Variants in ASPM observed in about 807,000 individuals in gnomAD.
ASPM encodes the protein abnormal spindle-like microcephaly-associated protein.
ASPM carries 256 observed loss-of-function variants against 366.4 expected under a neutral mutation model. The ratio of observed to expected loss-of-function variants is 0.70; its 90% CI spans 0.63 to 0.77. The LOEUF (loss-of-function observed/expected upper bound fraction) is 0.77. ASPM is among the 30% of genes least tolerant of loss of function. ASPM has a pLI of 0.00. For missense variants in ASPM, 4,146 were observed against 4,090.4 expected (o/e 1.01, Z -0.37); for synonymous variants, 1,414 against 1,342.9 (o/e 1.05, Z -1.16).
At chr1:197,137,936 C>A (rs1227965303) in intron 4 of ASPM, among the ~76,000 whole-genome samples, 1 of 152,114 alleles carries the variant, frequency 6.6e-6, no homozygotes, top group Non-Finnish European at 1.5e-5. Flanking sequence ...GACATAAAAG[C>A]ATGAGAGTTC....
intron 25 of ASPM, among the ~76,000 whole-genome samples, chr1:197,089,475 C>T (rs1390810269): frequency 6.6e-6 from 1 of 151,964 alleles, no homozygotes; most frequent in Non-Finnish European, 1.5e-5. Flanking sequence ...GATAACATCA[C>T]CACCTCTAAA....
chr1:197,124,332 C>CTT lies in ASPM; in HGVS notation c.3169-2_3169-1insAA, dbSNP rs761193121. 1.8e-5 allele frequency: 27 copies of CTT among 1,540,796 alleles called. No individual in the cohort carries two copies. Among genetic ancestry groups the CTT allele is most frequent in the African/African-American group, 4.1e-5 (3 of 73,030 alleles). Reference sequence around the variant, plus strand: ...GATCTAAGTTAAGGGAAATATCCACCTAAAACAAACACAAAAAAAGATAAA... The same window carrying CTT: ...GATCTAAGTTAAGGGAAATATCCACCTTTAAAACAAACACAAAAAAAGATAAA... On this transcript the variant is annotated splice_acceptor_variant, in intron 12 of 27. Transcript: ENST00000367409. LOFTEE classifies it high-confidence loss of function.
chr1:197,144,043 T>G lies in ASPM; in HGVS notation c.355A>C (p.Arg119=), dbSNP rs925872998. The G allele has an allele frequency of 1.2e-5, 19 of 1,610,892 alleles. No homozygotes were observed. Among genetic ancestry groups the G allele is most frequent in the Non-Finnish European group, 1.5e-5 (18 of 1,177,312 alleles). ...TTTACAAGAAATGTCATAATCTCTC[T>G]TACTCGGCCTTCTTTGAGTGGTGTC... ...NWTPLKEGRV[R]EIMTFLVNDV... The change falls in exon 2 of 28, where the codon AGA becomes CGA. Residue 119 remains arginine (R), a synonymous_variant. Transcript: ENST00000367409.
chr1:197,128,706 T>A, intron 9 of ASPM, 41 bp from the exon 10 acceptor site: 1 of 1,472,230 alleles, frequency 6.8e-7, no homozygotes, highest in African/African-American at 1.4e-5. Context: ...TCCAATATTA[T>A]AATTTTGCTT....
Position 197,125,232 on chromosome 1 carries a change from C to A in ASPM, c.2937-41G>T, listed in dbSNP as rs200899109. 38 of 1,607,878 alleles carry A rather than the reference C, an allele frequency of 2.4e-5. No homozygotes were observed. In the South Asian group the frequency reaches 3.8e-4, roughly 16 times the overall value. The stretch of plus-strand genomic sequence containing the variant: ...TGTTCAGATGAAATTATCATAAAAA[C>A]GTATATGAAAAAACCCTTCACTGAA... On this transcript the variant is annotated intron_variant, in intron 10 of 27. Transcript: ENST00000367409.
At chr1:197,129,345 AAGTT>A (rs1278134434) in intron 8 of ASPM, 28 bp from the exon 9 acceptor site, 2 of 1,607,292 alleles carry the variant, frequency 1.2e-6, no homozygotes, top group Non-Finnish European at 1.7e-6. Flanking sequence ...AAAGCACAGC[AAGTT>A]AATCTATGAA....
rs747991162 is a variant in ASPM at position 197,142,925 on chromosome 1, C to G, written c.1327G>C (p.Gly443Arg). 1.2e-6 allele frequency: 2 copies of G among 1,613,864 alleles called. No individual in the cohort carries two copies. The highest frequency in any genetic ancestry group is 1.7e-5 in the Admixed American group (1 of 60,006). The change falls in exon 3 of 28, where the codon GGT (glycine) becomes CGT (arginine). Residue 443 changes from glycine (G) to arginine (R), a missense_variant. Physicochemically the swap from Gly to Arg is moderately radical, Grantham distance 125. This residue lies in a region of ASPM where 3,624 missense variants were observed against 3,591.7 expected (regional missense o/e 1.01). Transcript: ENST00000367409. Reference protein sequence around the residue: ...EVSPRIPECQGSKSPKAIFEE... With the variant: ...EVSPRIPECQRSKSPKAIFEE... ...AAAATAGCTTTGGGAGATTTTGAAC[C>G]CTGACATTCAGGAATACGTGGCGAA...
Position 197,102,624 on chromosome 1 carries a change from AAAGT to A in ASPM, c.6623_6626del (p.Tyr2208LeufsTer4), listed in dbSNP as rs1571599902. 1 of 1,612,540 alleles carries A rather than the reference AAAGT, an allele frequency of 6.2e-7. No individual in the cohort carries two copies. The highest frequency in any genetic ancestry group is 1.3e-5 in the African/African-American group (1 of 74,914). The stretch of plus-strand genomic sequence containing the variant: ...TTTTTGTTATTTTCTTTAACTTATT[AAAGT>A]ATGTTTGCTGTCTGTATCTTCTGTA... On this transcript the variant is annotated frameshift_variant, in exon 18 of 28. Transcript: ENST00000367409. LOFTEE classifies it high-confidence loss of function.
chr1:197,146,578 T>C lies in ASPM; in HGVS notation c.-141A>G, dbSNP rs1658796343. ...GGGAGTGAATTCGGCCCTTTTTCTTTTCCACTAACCTACTCCCTAGAAAAC... is the reference window on the plus strand; with the variant it reads ...GGGAGTGAATTCGGCCCTTTTTCTTCTCCACTAACCTACTCCCTAGAAAAC... On this transcript the variant is annotated 5_prime_UTR_variant, in exon 1 of 28. Coordinates refer to ENST00000367409, the MANE Select transcript of ASPM (RefSeq NM_018136.5). 1 of 852,508 alleles carries C rather than the reference T, an allele frequency of 1.2e-6. No individual in the cohort carries two copies. Among genetic ancestry groups the C allele is most frequent in the Non-Finnish European group, 1.9e-6 (1 of 536,468 alleles). 52.8% of individuals were successfully genotyped at this position (852,508 alleles called of 1,614,324 possible). A position where few individuals can be genotyped will look rare whatever the true frequency, so the allele number is the denominator to read the frequency against.
Position 197,122,463 on chromosome 1 carries a change from C to T in ASPM, c.3523G>A (p.Gly1175Ser), listed in dbSNP as rs770963764. The change falls in exon 14 of 28, where the codon GGT becomes AGT. Residue 1175 changes from glycine to serine, a missense_variant. Transcript: ENST00000367409. ...GATGATGAATTTAATACCACTGAAC[C>T]AGTTTGCGTACATTCCACAGTTTGA... ...TTQTVECTQT[G>S]SVVLNSSSES... 1.9e-6 allele frequency: 3 copies of T among 1,613,678 alleles called. No homozygotes were observed. In the South Asian group the frequency reaches 3.3e-5, roughly 18 times the overall value.
chr1:197,134,012 C>T (rs1269408833), intron 5 of ASPM, among the ~76,000 whole-genome samples: 1 of 151,912 alleles, frequency 6.6e-6, no homozygotes, highest in Non-Finnish European at 1.5e-5. Context: ...TGGGGCTTTG[C>T]TCCCTTTTGG....
At chr1:197,097,054 G>A (rs1656994770) in intron 18 of ASPM, among the ~76,000 whole-genome samples, 1 of 151,688 alleles carries the variant, frequency 6.6e-6, no homozygotes, top group South Asian at 2.1e-4. Context: ...CAAAAACTCA[G>A]TTGTATGTAA....
At chr1:197,085,698 C>A (rs1656568963) in intron 27 of ASPM, among the ~76,000 whole-genome samples, 1 of 151,934 alleles carries the variant, frequency 6.6e-6, no homozygotes, top group Non-Finnish European at 1.5e-5. Flanking sequence ...ATAGAAATGG[C>A]AAAACTAAAG....
In ASPM at chr1:197,133,743, G is replaced by A. The variant is rs1056859345; in HGVS notation, c.2174-148C>T. 38 of 877,766 alleles carry A rather than the reference G, an allele frequency of 4.3e-5. No homozygotes were observed. In the African/African-American group the frequency reaches 5.7e-4, roughly 13 times the overall value. The allele number at this position is 877,766 out of a possible 1,614,324, so 54.4% of individuals were successfully genotyped here. On this transcript the variant is annotated intron_variant, in intron 5 of 27. Coordinates refer to ENST00000367409, the MANE Select transcript of ASPM (RefSeq NM_018136.5). ...TTACTCCTTAGGCCAATCTATCATC[G>A]CAACCTGTTAGCTCTACCTGCAAAA...
intron 6 of ASPM, among the ~76,000 whole-genome samples, chr1:197,132,564 T>C (rs1658292788): frequency 6.6e-6 from 1 of 152,046 alleles, no homozygotes; most frequent in African/African-American, 2.4e-5. Context: ...GTATACCTAG[T>C]TTTGAAATAC....
In ASPM at chr1:197,090,220, T is replaced by C. The variant is rs756633353; in HGVS notation, c.9805A>G (p.Ile3269Val). 8 of 1,613,446 alleles carry C rather than the reference T, an allele frequency of 5.0e-6. No individual in the cohort carries two copies. Among genetic ancestry groups the C allele is most frequent in the Non-Finnish European group, 2.5e-6 (3 of 1,179,670 alleles). Reference sequence around the variant, plus strand: ...CCTAGGTGTTTTAAGGCCTCAAGAATGGCAGAAAGGTGCTTATATGTCAAA... The same window carrying C: ...CCTAGGTGTTTTAAGGCCTCAAGAACGGCAGAAAGGTGCTTATATGTCAAA... ...YLLTYKHLSA[I>V]LEALKHLEVV... The change falls in exon 24 of 28, where the codon ATT (isoleucine) becomes GTT (valine). Residue 3269 changes from isoleucine to valine, a missense_variant. By Grantham distance (29) the Ile-to-Val change is conservative (BLOSUM62 3). Coordinates refer to ENST00000367409, the MANE Select transcript of ASPM (RefSeq NM_018136.5).
chr1:197,091,247 C>T (rs1260723717), intron 22 of ASPM, among the ~76,000 whole-genome samples: 1 of 151,780 alleles, frequency 6.6e-6, no homozygotes, highest in African/African-American at 2.4e-5. Flanking sequence ...TGTGTGTGTG[C>T]ACACACATGC....
rs757139773 is a variant in ASPM, at chr1:197,094,144, C to A, written c.9024G>T (p.Gln3008His). The A allele has an allele frequency of 1.9e-6, 3 of 1,607,654 alleles. No homozygotes were observed. The highest frequency in any genetic ancestry group is 2.6e-6 in the Non-Finnish European group (3 of 1,176,092). ...CAGGAAGTATAGCTCTCCATTTTCT[C>A]TGAATGATAATTGCTGATGCTCTCA... is the stretch of plus-strand genomic sequence containing the variant. ...LNVRASAIII[Q>H]RKWRAILPAK... The change falls in exon 20 of 28, where the codon CAG (glutamine) becomes CAT (histidine). Residue 3008 changes from glutamine to histidine, a missense_variant. Around this residue, in one of 3 missense-constraint regions of ASPM, gnomAD observed 3,624 missense variants for 3,591.7 expected, o/e 1.01. Coordinates refer to ENST00000367409, the MANE Select transcript of ASPM (RefSeq NM_018136.5).
chr1:197,139,928 G>T, intron 3 of ASPM, 57 bp from the exon 4 acceptor site: 2 of 1,222,892 alleles, frequency 1.6e-6, no homozygotes, highest in Non-Finnish European at 1.2e-6. Context: ...CCCTAAATAG[G>T]TCAGTGATTT....
Sources: gnomAD v4.1 joint callset for allele counts (sites outside exome capture counted in the v4.1 genomes callset) on GRCh38, gnomAD v4.1.1 for gene constraint, gnomAD v4.1.1 regional missense constraint, MANE v1.5 for transcripts, NCBI Gene and HGNC (gene_info 2026-07-23, HGNC 2026-07-21) for gene names.